The following XKR4 variants were observed in gnomAD, a reference collection of about 807,000 sequenced individuals.
XKR4 encodes the protein XK-related protein 4.
In XKR4, 12 loss-of-function variants were observed where a neutral mutation model predicts 53.9. The ratio of observed to expected loss-of-function variants is 0.22; its 90% CI spans 0.14 to 0.36. XKR4 has a LOEUF of 0.36. Ranked by LOEUF, XKR4 falls within the 10% of genes least tolerant of loss-of-function variation. The pLI, the probability that XKR4 is intolerant of heterozygous loss-of-function variation, is 1.00. For missense variants in XKR4, 799 were observed against 859.5 expected, an observed-to-expected ratio of 0.93 and a Z score of 0.88; for synonymous variants, 354 against 362.4, an observed-to-expected ratio of 0.98 and a Z score of 0.26.
rs989247930 is a variant in XKR4, at chr8:55,535,317, C to A, written c.*11090C>A. The A allele has an allele frequency of 1.3e-5, 2 of 151,522 alleles. No individual in the cohort carries two copies. Among genetic ancestry groups the A allele is most frequent in the Admixed American group, 1.3e-4 (2 of 15,180 alleles). 9.4% of individuals were successfully genotyped at this position (151,522 alleles called of 1,614,324 possible). Reference sequence around the variant, plus strand: ...TGTATACATGTGCCATGTTGGTGTGCTGTACCTATTAACTCGTCATTTAGC... The same window carrying A: ...TGTATACATGTGCCATGTTGGTGTGATGTACCTATTAACTCGTCATTTAGC... On this transcript the variant is annotated 3_prime_UTR_variant, in exon 3 of 3. Coordinates refer to ENST00000327381, the MANE Select transcript of XKR4 (RefSeq NM_052898.2).
intron 1 of XKR4, among the ~76,000 whole-genome samples, chr8:55,215,876 T>C (rs1447347201): frequency 6.6e-6 from 1 of 152,174 alleles, no homozygotes; most frequent in Non-Finnish European, 1.5e-5. Context: ...TTTGAGGTAT[T>C]GAATGATGCA....
intron 1 of XKR4, among the ~76,000 whole-genome samples, chr8:55,322,868 T>C (rs953331982): frequency 3.9e-5 from 6 of 152,226 alleles, no homozygotes; most frequent in Admixed American, 3.9e-4. Flanking sequence ...CTGTTTTCTA[T>C]TGTCAATATT....
rs1806841364 is a variant in XKR4 at position 55,523,893 on chromosome 8, A to G, written c.1619A>G (p.Asp540Gly). ...DPAAAFTLPP[D>G]VATSTLRSIS... ...GCCGCTGCCTTCACTTTGCCCCCAG[A>G]CGTGGCCACAAGCACCCTACGGTCC... The change falls in exon 3 of 3, where the codon GAC becomes GGC. Residue 540 changes from aspartate to glycine, a missense_variant. Asp to Gly is a moderately conservative substitution (Grantham distance 94). Transcript: ENST00000327381. The G allele has an allele frequency of 6.2e-7, 1 of 1,614,154 alleles. No homozygotes were observed.
intron 2 of XKR4, among the ~76,000 whole-genome samples, chr8:55,457,125 T>A (rs1206198141): frequency 6.7e-6 from 1 of 149,924 alleles, no homozygotes; most frequent in Non-Finnish European, 1.5e-5. Context: ...CATATTCAAG[T>A]GCTGAATTTT....
At chr8:55,405,934 A>G (rs1260628889) in intron 2 of XKR4, among the ~76,000 whole-genome samples, 3 of 152,192 alleles carry the variant, frequency 2.0e-5, no homozygotes, top group African/African-American at 4.8e-5. Context: ...AGAAGGGACC[A>G]ACATCTGGAC....
intron 1 of XKR4, among the ~76,000 whole-genome samples, chr8:55,349,365 G>A (rs1465499418): frequency 6.6e-6 from 1 of 152,190 alleles, no homozygotes; most frequent in African/African-American, 2.4e-5. Flanking sequence ...AATAATGCAA[G>A]CTGGACAGAT....
Position 55,399,440 on chromosome 8 carries a change from A to G in XKR4, c.1006+41563A>G, listed in dbSNP as rs1446976641. Among the ~76,000 whole-genome samples, 9 of 152,346 alleles carry G rather than the reference A, an allele frequency of 5.9e-5. No homozygotes were observed. The East Asian group carries it at 1.7e-3, about 29-fold the overall frequency. On this transcript the variant is annotated intron_variant, in intron 2 of 2. Transcript: ENST00000327381. ...TCCTGATGATAGCTCAGCGGTTACA[A>G]TAACTGTGTGAGCAGAATAGTCCCC...
chr8:55,322,781 G>T (rs931778682), intron 1 of XKR4, among the ~76,000 whole-genome samples: 1 of 152,012 alleles, frequency 6.6e-6, no homozygotes, highest in African/African-American at 2.4e-5. Context: ...CATTGATTTT[G>T]CTAACACTGT....
intron 2 of XKR4, among the ~76,000 whole-genome samples, chr8:55,482,654 A>T (rs1806128879): frequency 6.6e-6 from 1 of 152,152 alleles, no homozygotes; most frequent in East Asian, 1.9e-4. Context: ...CTGGATGATT[A>T]TATGTTGGAT....
rs144178090 is a variant in XKR4 at position 55,378,647 on chromosome 8, T to C, written c.1006+20770T>C. On this transcript the variant is annotated intron_variant, in intron 2 of 2. Coordinates refer to ENST00000327381, the MANE Select transcript of XKR4 (RefSeq NM_052898.2). ...ATTTTATTCTGTTCAAAACTGCACATAGAAATTGCCTATACTCACAATAAA... is the reference window on the plus strand; with the variant it reads ...ATTTTATTCTGTTCAAAACTGCACACAGAAATTGCCTATACTCACAATAAA... Among the ~76,000 whole-genome samples the C allele has an allele frequency of 8.1e-3, 1,226 of 152,286 alleles. 15 individuals are homozygous for C. Among genetic ancestry groups the C allele is most frequent in the African/African-American group, 0.028 (1,144 of 41,550 alleles).
Position 55,540,276 on chromosome 8 carries a change from T to TCCCATAACATTTCTATC in XKR4, c.*16051_*16052insCATAACATTTCTATCCC, listed in dbSNP as rs1807081851. 6.6e-6 allele frequency: 1 copy of TCCCATAACATTTCTATC among 152,238 alleles called. No homozygotes were observed. The highest frequency in any genetic ancestry group is 1.9e-4 in the East Asian group (1 of 5,202). 9.4% of individuals were successfully genotyped at this position (152,238 alleles called of 1,614,324 possible). A position where few individuals can be genotyped will look rare whatever the true frequency, so the allele number is the denominator to read the frequency against. On this transcript the variant is annotated 3_prime_UTR_variant, in exon 3 of 3. Transcript: ENST00000327381. The stretch of plus-strand genomic sequence containing the variant: ...TGGATATTTCCCATTAACATTGTAT[T>TCCCATAACATTTCTATC]CCATGAACAAGTGATAGAAAACATA...
intron 2 of XKR4, among the ~76,000 whole-genome samples, chr8:55,518,225 T>C (rs1806744213): frequency 6.6e-6 from 1 of 152,184 alleles, no homozygotes. Context: ...GGAGTTCAGA[T>C]TTTATTACAC....
chr8:55,483,560 G>A (rs1806146448), intron 2 of XKR4, among the ~76,000 whole-genome samples: 2 of 152,076 alleles, frequency 1.3e-5, no homozygotes, highest in South Asian at 2.1e-4. Flanking sequence ...ACGGATGCCA[G>A]GTGGAAACAC....
chr8:55,216,646 G>T, intron 1 of XKR4, among the ~76,000 whole-genome samples: 1 of 151,142 alleles, frequency 6.6e-6, no homozygotes, highest in East Asian at 2.0e-4. Flanking sequence ...AGAATAGCTT[G>T]AACCTGGGAG....
At position 55,524,526 on chromosome 8, in the gene XKR4, G is replaced by T; in HGVS notation, c.*299G>T. On this transcript the variant is annotated 3_prime_UTR_variant, in exon 3 of 3. Coordinates refer to ENST00000327381, the MANE Select transcript of XKR4 (RefSeq NM_052898.2). ...ACCCACCAGAGGGTACTACTATTAT[G>T]GAAAAATTTTGCCTCCAATCATTAG... 2.8e-6 allele frequency: 1 copy of T among 359,316 alleles called. No individual in the cohort carries two copies. The highest frequency in any genetic ancestry group is 4.9e-5 in the East Asian group (1 of 20,588). 22.3% of individuals were successfully genotyped at this position (359,316 alleles called of 1,614,324 possible).
intron 1 of XKR4, among the ~76,000 whole-genome samples, chr8:55,228,887 C>A (rs1817992921): frequency 6.6e-6 from 1 of 152,022 alleles, no homozygotes. Context: ...TCTTCTATTT[C>A]TATCTCTAAA....
chr8:55,141,721 T>C (rs1258495534), intron 1 of XKR4, among the ~76,000 whole-genome samples: 1 of 149,624 alleles, frequency 6.7e-6, no homozygotes, highest in Non-Finnish European at 1.5e-5. Flanking sequence ...CTTCTGGTCC[T>C]CTTCCTCCCA....
intron 2 of XKR4, among the ~76,000 whole-genome samples, chr8:55,377,736 TC>T (rs1340796356): frequency 6.6e-6 from 1 of 152,180 alleles, no homozygotes; most frequent in Non-Finnish European, 1.5e-5. Flanking sequence ...ACCTTGATGT[TC>T]CCTCCCTTGC....
intron 1 of XKR4, among the ~76,000 whole-genome samples, chr8:55,279,247 A>C (rs536674784): frequency 6.6e-6 from 1 of 152,282 alleles, no homozygotes; most frequent in South Asian, 2.1e-4. Context: ...AAAAGTGTTA[A>C]CCGTGAGTGT....
Sources: gnomAD v4.1 joint callset for allele counts (sites outside exome capture counted in the v4.1 genomes callset) on GRCh38, gnomAD v4.1.1 for gene constraint, MANE v1.5 for transcripts, NCBI Gene and HGNC (gene_info 2026-07-23, HGNC 2026-07-21) for gene names.